Variants in UBOX5 observed in about 807,000 individuals in gnomAD.
UBOX5 encodes the protein RING finger protein 37.
A neutral mutation model predicts 39.0 loss-of-function variants in UBOX5; 28 were observed. That is an observed-to-expected ratio of 0.72 (90% CI 0.53 to 0.98). The LOEUF is 0.98. Ranked by LOEUF, UBOX5 falls within the 50% of genes least tolerant of loss-of-function variation. The pLI, the probability that UBOX5 is intolerant of heterozygous loss-of-function variation, is 0.00. For synonymous variants in UBOX5, 283 were observed against 275.5 expected, an observed-to-expected ratio of 1.03 and a Z score of -0.27; for missense variants, 585 against 674.4, an observed-to-expected ratio of 0.87 and a Z score of 1.47.
chr20:3,116,420 C>G (rs1055958526), intron 3 of UBOX5: 5 of 152,350 alleles, frequency 3.3e-5, no homozygotes, highest in Non-Finnish European at 7.3e-5. Flanking sequence ...CCCCAGGGAC[C>G]TGTGTGGCAG....
intron 3 of UBOX5, among the ~76,000 whole-genome samples, chr20:3,117,528 C>T (rs572439781): frequency 2.7e-4 from 41 of 151,996 alleles, no homozygotes; most frequent in Non-Finnish European, 5.7e-4. Context: ...TAATAAAATA[C>T]GAAAAATTAG....
At chr20:3,130,747 CTT>C (rs924506995) in intron 1 of UBOX5, among the ~76,000 whole-genome samples, 6 of 149,106 alleles carry the variant, frequency 4.0e-5, no homozygotes, top group African/African-American at 9.8e-5. Flanking sequence ...TTATTGAACT[CTT>C]ATTGATTTTA....
chr20:3,126,373 A>G, intron 1 of UBOX5, among the ~76,000 whole-genome samples: 1 of 152,104 alleles, frequency 6.6e-6, no homozygotes, highest in African/African-American at 2.4e-5. Context: ...AACACTGCGG[A>G]AGGCCGCAGG....
At chr20:3,131,019 C>T (rs556365418) in intron 1 of UBOX5, among the ~76,000 whole-genome samples, 2 of 152,102 alleles carry the variant, frequency 1.3e-5, no homozygotes, top group South Asian at 4.2e-4. Context: ...ATCATAAGGT[C>T]AGGAGTTCAA....
At chr20:3,137,959 T>A (rs1052888032) in intron 1 of UBOX5, among the ~76,000 whole-genome samples, 5 of 152,184 alleles carry the variant, frequency 3.3e-5, no homozygotes, top group African/African-American at 1.2e-4. Context: ...ATGATAAATA[T>A]AACTATGCAG....
chr20:3,133,194 T>C (rs570439645), intron 1 of UBOX5, among the ~76,000 whole-genome samples: 1 of 152,298 alleles, frequency 6.6e-6, no homozygotes, highest in East Asian at 1.9e-4. Context: ...TCAAAGTCTT[T>C]AATAGGTATA....
chr20:3,113,959 C>T (rs2066274178), intron 4 of UBOX5, among the ~76,000 whole-genome samples: 1 of 152,120 alleles, frequency 6.6e-6, no homozygotes, highest in African/African-American at 2.4e-5. Flanking sequence ...CATGGTGAAA[C>T]CCCATCTCTA....
At chr20:3,132,949 C>T (rs1033618526) in intron 1 of UBOX5, among the ~76,000 whole-genome samples, 5 of 149,190 alleles carry the variant, frequency 3.4e-5, no homozygotes, top group Non-Finnish European at 5.9e-5. Flanking sequence ...TAGCGAGACC[C>T]AGTCTCTACA....
At chr20:3,154,916 G>T (rs2066668125) in intron 1 of UBOX5, among the ~76,000 whole-genome samples, 1 of 151,818 alleles carries the variant, frequency 6.6e-6, no homozygotes, top group Non-Finnish European at 1.5e-5. Flanking sequence ...GGACAGGTGT[G>T]GTGGCTCACA....
At chr20:3,146,933 T>A (rs73573808) in intron 1 of UBOX5, 2 of 1,613,986 alleles carry the variant, frequency 1.2e-6, no homozygotes, top group African/African-American at 2.7e-5. Flanking sequence ...TCCAAGGAGA[T>A]CCCTGGAGCC....
At chr20:3,158,018 G>A (rs990083995) in intron 1 of UBOX5, among the ~76,000 whole-genome samples, 2 of 151,916 alleles carry the variant, frequency 1.3e-5, no homozygotes, top group Non-Finnish European at 2.9e-5. Flanking sequence ...GCAACCTCCC[G>A]GGCGAGGATC....
intron 1 of UBOX5, chr20:3,151,729 T>A (rs1032935414): frequency 6.6e-6 from 1 of 152,022 alleles, no homozygotes; most frequent in Non-Finnish European, 1.5e-5. Flanking sequence ...AATATTTAGA[T>A]GATAATTGAA....
Position 3,121,886 on chromosome 20 carries a change from C to T in UBOX5, c.753G>A (p.Lys251=), listed in dbSNP as rs1436345840. 3 of 1,613,980 alleles carry T rather than the reference C, an allele frequency of 1.9e-6. No individual in the cohort carries two copies. The highest frequency in any genetic ancestry group is 1.7e-6 in the Non-Finnish European group (2 of 1,180,036). Residue 251 remains lysine, a synonymous_variant, in exon 3 of 5, where the codon AAG becomes AAA. Coordinates refer to ENST00000217173, the MANE Select transcript of UBOX5 (RefSeq NM_014948.4). ...ESQQAPSSLQ[K]LAEIIQDVPE... ...GCACATCCTGAATGATCTCGGCCAG[C>T]TTCTGCAGGCTGGAGGGAGCCTGCT...
At chr20:3,122,720 C>T in intron 2 of UBOX5, 136 bp from the exon 3 acceptor site, 1 of 1,261,148 alleles carries the variant, frequency 7.9e-7, no homozygotes, top group Non-Finnish European at 1.1e-6. Flanking sequence ...TCAGGGCACC[C>T]AAGATCAGAT....
At position 3,115,306 on chromosome 20, in the gene UBOX5, C is replaced by G; in HGVS notation, c.1416G>C (p.Ser472=). The change falls in exon 4 of 5, where the codon TCG becomes TCC. Residue 472 remains serine (S), a splice_region_variant and synonymous_variant. Coordinates refer to ENST00000217173, the MANE Select transcript of UBOX5 (RefSeq NM_014948.4). ...AGGAGATGGCGGGGCCCATGTTACC[C>G]GAGCCGGTGCCAGGCCTCCAGGAAG... ...SNTSWRPGTG[S]EQPGSILGPE... 6.2e-7 allele frequency: 1 copy of G among 1,609,828 alleles called. No homozygotes were observed. The highest frequency in any genetic ancestry group is 8.5e-7 in the Non-Finnish European group (1 of 1,178,186).
intron 3 of UBOX5, among the ~76,000 whole-genome samples, chr20:3,120,444 T>C (rs926891827): frequency 1.3e-5 from 2 of 150,480 alleles, no homozygotes. Context: ...GTCAGGAGAT[T>C]GAGACCATCC....
intron 1 of UBOX5, among the ~76,000 whole-genome samples, chr20:3,134,999 G>T (rs191764223): frequency 2.6e-5 from 4 of 152,246 alleles, no homozygotes; most frequent in East Asian, 1.9e-4. Flanking sequence ...TTAAAGAAAA[G>T]AAATAATTAG....
chr20:3,147,085 A>G (rs753866233), intron 1 of UBOX5: 4 of 1,614,132 alleles, frequency 2.5e-6, no homozygotes, highest in Non-Finnish European at 3.4e-6. Flanking sequence ...CCAGAGGTAC[A>G]GCTGCCTTAT....
At chr20:3,133,693 C>A (rs79812975) in intron 1 of UBOX5, among the ~76,000 whole-genome samples, 13,985 of 151,970 alleles carry the variant, frequency 0.092, 722 homozygotes, top group Middle Eastern at 0.12. Flanking sequence ...CAAAACCCAG[C>A]ACCTATCCTA....
Sources: gnomAD v4.1 joint callset for allele counts (sites outside exome capture counted in the v4.1 genomes callset) on GRCh38, gnomAD v4.1.1 for gene constraint, MANE v1.5 for transcripts, NCBI Gene and HGNC (gene_info 2026-07-23, HGNC 2026-07-21) for gene names.